The following PTPN11 variants were observed in gnomAD, a reference collection of about 807,000 sequenced individuals.
PTPN11 encodes tyrosine-protein phosphatase non-receptor type 11.
Under a neutral mutation model 78.8 loss-of-function variants are expected in PTPN11, and 6 were observed. That is an observed-to-expected ratio of 0.08 (90% CI 0.04 to 0.15). The LOEUF (loss-of-function observed/expected upper bound fraction) is 0.15, where lower values mean the gene tolerates loss of function less well. Ranked by LOEUF, PTPN11 falls within the 10% of genes least tolerant of loss-of-function variation. PTPN11 has a pLI of 1.00. For synonymous variants in PTPN11, 221 were observed against 263.5 expected (o/e 0.84, Z 1.56); for missense variants, 386 against 744.8 (o/e 0.52, Z 5.61).
At chr12:112,450,160 T>G (rs540577862) in intron 2 of PTPN11, among the ~76,000 whole-genome samples, 158 bp from the exon 3 acceptor site, 41 of 152,066 alleles carry the variant, frequency 2.7e-4, no homozygotes, top group Non-Finnish European at 4.6e-4. Context: ...TGACATGTGG[T>G]TATTTCACCC....
intron 6 of PTPN11, among the ~76,000 whole-genome samples, chr12:112,463,581 G>C (rs2038281960): frequency 1.3e-5 from 2 of 152,314 alleles, no homozygotes; most frequent in African/African-American, 4.8e-5. Context: ...CATGGAAAAA[G>C]ATGGTTGCTT....
chr12:112,439,822 A>G (rs756564921), intron 1 of PTPN11, among the ~76,000 whole-genome samples: 5 of 151,382 alleles, frequency 3.3e-5, no homozygotes, highest in Non-Finnish European at 1.5e-5. Flanking sequence ...AACCCAAACC[A>G]TAAACCCAAT....
intron 1 of PTPN11, among the ~76,000 whole-genome samples, chr12:112,443,125 A>G (rs896123652): frequency 6.6e-6 from 1 of 151,544 alleles, no homozygotes; most frequent in African/African-American, 2.4e-5. Flanking sequence ...CACCAAATGT[A>G]TATTATAACA....
At chr12:112,475,182 G>A (rs2038480823) in intron 7 of PTPN11, among the ~76,000 whole-genome samples, 1 of 152,160 alleles carries the variant, frequency 6.6e-6, no homozygotes, top group Non-Finnish European at 1.5e-5. Context: ...AAGGTTATAA[G>A]TGAAGGGGAG....
In PTPN11 at chr12:112,418,979, C is replaced by A; in HGVS notation, c.-133C>A. ...GGGATCCCCAGGCCTGGAGGGGGGT[C>A]TGTGCGCGGCCGGCTGGCTCTGCCC... On this transcript the variant is annotated 5_prime_UTR_variant, in exon 1 of 16. The change creates a new upstream start codon in the 5' untranslated region. Transcript: ENST00000351677. The A allele has an allele frequency of 8.9e-7, 1 of 1,122,464 alleles. No homozygotes were observed. 69.5% of individuals were successfully genotyped at this position (1,122,464 alleles called of 1,614,324 possible).
At chr12:112,503,515 C>A (rs756231845) in intron 14 of PTPN11, among the ~76,000 whole-genome samples, 1 of 152,150 alleles carries the variant, frequency 6.6e-6, no homozygotes, top group Admixed American at 6.5e-5. Context: ...AATTATACAG[C>A]AGAGGTATTT....
At chr12:112,463,353 A>C (rs1280641900) in intron 6 of PTPN11, among the ~76,000 whole-genome samples, 1 of 152,098 alleles carries the variant, frequency 6.6e-6, no homozygotes, top group Non-Finnish European at 1.5e-5. Context: ...AGTGTAAGCC[A>C]CCACACTTGG....
chr12:112,454,893 C>T (rs1215097204), intron 5 of PTPN11: 16 of 592,790 alleles, frequency 2.7e-5, no homozygotes, highest in Middle Eastern at 4.6e-4. Context: ...AATCTTGGCT[C>T]ACTACAACCT....
Position 112,453,658 on chromosome 12 carries a change from T to G in PTPN11, c.525+271T>G, listed in dbSNP as rs191392747. On this transcript the variant is annotated intron_variant, in intron 4 of 15. Coordinates refer to ENST00000351677, the MANE Select transcript of PTPN11 (RefSeq NM_002834.5). ...AGTCAGATTTTCTGTTTTTTTTTTT[T>G]TTTTGTTTTTGTTTTTTTAATATTC... Among the ~76,000 whole-genome samples, 846 of 151,516 alleles carry G rather than the reference T, an allele frequency of 5.6e-3. 6 individuals carry two copies. Among genetic ancestry groups the G allele is most frequent in the African/African-American group, 0.016 (655 of 41,300 alleles).
chr12:112,446,700 T>C (rs893149437), intron 2 of PTPN11, among the ~76,000 whole-genome samples: 4 of 152,196 alleles, frequency 2.6e-5, no homozygotes, highest in African/African-American at 7.2e-5. Context: ...ATTTTTCTTT[T>C]CCTTCCTGTT....
At chr12:112,459,032 CA>C (rs1290018033) in intron 6 of PTPN11, among the ~76,000 whole-genome samples, 121 of 63,130 alleles carry the variant, frequency 1.9e-3, no homozygotes, top group Non-Finnish European at 2.0e-3. Flanking sequence ...GAACCTGTCC[CA>C]AAAAAAAAAA....
At position 112,504,143 on chromosome 12, in the gene PTPN11, C is replaced by T. The variant is rs1405559783; in HGVS notation, c.1713-552C>T. On this transcript the variant is annotated intron_variant, in intron 14 of 15. Transcript: ENST00000351677. This position sits in a 1 kb window ranked among gnomAD's most constrained non-coding sequence, Gnocchi z 4.7. ...CCTCATCCTACAGGCCTCCTTAAAA[C>T]AACCTGCTTTCTGCCAGACCCCAGG... is the stretch of plus-strand genomic sequence containing the variant. Among the ~76,000 whole-genome samples, 1 of 152,198 alleles carries T rather than the reference C, an allele frequency of 6.6e-6. No homozygotes were observed. The highest frequency in any genetic ancestry group is 1.5e-5 in the Non-Finnish European group (1 of 68,032).
rs527518820 is a variant in PTPN11 at position 112,469,072 on chromosome 12, A to C, written c.757-3872A>C. Reference sequence around the variant, plus strand: ...GAGCATGACTCTGTCCCAACAACAAAAAAAAAGATTAAGGGAAGCCTCTGG... The same window carrying C: ...GAGCATGACTCTGTCCCAACAACAACAAAAAAGATTAAGGGAAGCCTCTGG... On this transcript the variant is annotated intron_variant, in intron 6 of 15. Transcript: ENST00000351677. Among the ~76,000 whole-genome samples, 34 of 152,206 alleles carry C rather than the reference A, an allele frequency of 2.2e-4. 1 individual carries two copies. Among genetic ancestry groups the C allele is most frequent in the South Asian group, 1.5e-3 (7 of 4,818 alleles).
chr12:112,481,948 A>T (rs1010834385), intron 9 of PTPN11, 126 bp from the exon 10 acceptor site: 2 of 1,016,844 alleles, frequency 2.0e-6, no homozygotes, highest in Non-Finnish European at 3.0e-6. Context: ...AACCTAACAG[A>T]TGCGAAACAG....
chr12:112,439,574 T>G (rs911902927), intron 1 of PTPN11, among the ~76,000 whole-genome samples: 9 of 152,094 alleles, frequency 5.9e-5, no homozygotes, highest in Non-Finnish European at 1.0e-4. Context: ...GTTCAGGTGA[T>G]TCTCCTGCCT....
intron 6 of PTPN11, among the ~76,000 whole-genome samples, chr12:112,458,445 A>C (rs2038198333): frequency 6.6e-6 from 1 of 152,186 alleles, no homozygotes; most frequent in Non-Finnish European, 1.5e-5. Flanking sequence ...TCTGAGCTCA[A>C]ACAATTCTCC....
intron 13 of PTPN11, among the ~76,000 whole-genome samples, chr12:112,500,182 A>G (rs7953069): frequency 0.039 from 5,962 of 151,662 alleles, 265 homozygotes; most frequent in African/African-American, 0.11. Flanking sequence ...GGCAGAGGCT[A>G]CAGTGAGCCG....
Position 112,488,427 on chromosome 12 carries a change from G to T in PTPN11, c.1380-16G>T, listed in dbSNP as rs2038706147. The T allele has an allele frequency of 6.2e-7, 1 of 1,602,234 alleles. No homozygotes were observed. The highest frequency in any genetic ancestry group is 8.6e-7 in the Non-Finnish European group (1 of 1,169,384). On this transcript the variant is annotated splice_polypyrimidine_tract_variant and intron_variant, in intron 11 of 15. Transcript: ENST00000351677. ...AATGATTCTGTTGTCCCTGCTTTTT[G>T]TCCTTCTGCCCGCAGTGCTGGAATT...
intron 1 of PTPN11, among the ~76,000 whole-genome samples, chr12:112,428,362 A>G (rs1484800200): frequency 7.1e-6 from 1 of 140,328 alleles, no homozygotes; most frequent in Non-Finnish European, 1.5e-5. Flanking sequence ...AAATTATGCT[A>G]GGTGTGAGAT....
Sources: allele counts gnomAD v4.1 joint callset (sites outside exome capture counted in the v4.1 genomes callset), GRCh38; gene constraint gnomAD v4.1.1; non-coding constraint Gnocchi (gnomAD v3.1); transcripts MANE v1.5; gene names NCBI Gene and HGNC (gene_info 2026-07-23, HGNC 2026-07-21).